The following PDXDC1 variants were observed in gnomAD, a reference collection of about 807,000 sequenced individuals.
PDXDC1 encodes the protein pyridoxal-dependent decarboxylase domain-containing protein 1.
PDXDC1 carries 42 observed loss-of-function variants against 100.1 expected under a neutral mutation model. That is an observed-to-expected ratio of 0.42 (90% CI 0.33 to 0.54). The LOEUF is 0.54. Among genes scored for constraint, PDXDC1 ranks in the 20% least tolerant of loss-of-function variants. The probability of loss-of-function intolerance (pLI) is 0.10; values close to 1 mark genes in which losing one functional copy is unlikely to be tolerated. For missense variants in PDXDC1, 636 were observed against 979.2 expected (o/e 0.65, Z 4.68); for synonymous variants, 260 against 371.7 (o/e 0.70, Z 3.46).
At chr16:15,126,948 G>A (rs900159555) in intron 16 of PDXDC1, 10 of 266,240 alleles carry the variant, frequency 3.8e-5, no homozygotes, top group Admixed American at 1.5e-4. Flanking sequence ...GTGAGCCACC[G>A]TGCCTGGTCC....
At chr16:15,027,000 T>C (rs1211234077) in intron 14 of PDXDC1, among the ~76,000 whole-genome samples, 4 of 151,416 alleles carry the variant, frequency 2.6e-5, no homozygotes, top group African/African-American at 4.8e-5. Context: ...TTCCCACATA[T>C]TTTGAGTCAA....
intron 16 of PDXDC1, chr16:15,048,163 G>T: frequency 3.3e-6 from 4 of 1,214,286 alleles, no homozygotes; most frequent in Non-Finnish European, 4.8e-6. Flanking sequence ...AACTAAAGAT[G>T]TGGAGAGAGC....
At chr16:15,101,520 T>C (rs1176941175) in intron 16 of PDXDC1, among the ~76,000 whole-genome samples, 2 of 151,654 alleles carry the variant, frequency 1.3e-5, no homozygotes, top group African/African-American at 4.8e-5. Flanking sequence ...ATTTGTTTAA[T>C]AGAGACGGGG....
chr16:15,044,694 C>G, intron 16 of PDXDC1: 1 of 489,662 alleles, frequency 2.0e-6, no homozygotes, highest in Non-Finnish European at 3.7e-6. Context: ...TGGAAGAGCA[C>G]AGGCACAGGA....
intron 16 of PDXDC1, among the ~76,000 whole-genome samples, chr16:15,090,952 T>C (rs972536007): frequency 1.1e-4 from 17 of 149,360 alleles, no homozygotes; most frequent in Admixed American, 3.4e-4. Flanking sequence ...GAGGTAGTAA[T>C]CTAATAGAAA....
intron 16 of PDXDC1, chr16:15,086,354 G>A (rs548761454): frequency 6.2e-7 from 1 of 1,613,314 alleles, no homozygotes; most frequent in South Asian, 1.1e-5. Context: ...TAAAATAAAT[G>A]GTGAACTTAC....
At chr16:15,094,618 C>T (rs1441757813) in intron 16 of PDXDC1, 3 of 292,872 alleles carry the variant, frequency 1.0e-5, no homozygotes, top group Middle Eastern at 1.0e-3. Context: ...TGTGACTGAC[C>T]CAGATCTTCA....
intron 3 of PDXDC1, among the ~76,000 whole-genome samples, chr16:14,999,666 G>C (rs1253491869): frequency 1.3e-5 from 2 of 152,350 alleles, no homozygotes; most frequent in African/African-American, 4.8e-5. Flanking sequence ...AATTTGATAA[G>C]ATTTATTGTT....
At chr16:15,010,907 G>GAA (rs2151440004) in intron 8 of PDXDC1, among the ~76,000 whole-genome samples, 1 of 152,404 alleles carries the variant, frequency 6.6e-6, no homozygotes, top group African/African-American at 2.4e-5. Flanking sequence ...TGTACATTGA[G>GAA]AACTAAGAAT....
chr16:14,991,266 TATG>T (rs1190007386), intron 1 of PDXDC1, among the ~76,000 whole-genome samples: 5 of 132,690 alleles, frequency 3.8e-5, no homozygotes, highest in Admixed American at 1.7e-4. Context: ...TGTATATAGA[TATG>T]TGTGTGTGTG....
chr16:14,994,321 A>G (rs1167597046), intron 1 of PDXDC1, among the ~76,000 whole-genome samples: 4 of 152,276 alleles, frequency 2.6e-5, no homozygotes, highest in Admixed American at 6.5e-5. Flanking sequence ...TTTGTATAAG[A>G]TGTAAGGAAG....
rs1266226187 is a variant in PDXDC1, at chr16:15,014,621, GT to G, written c.728-1504del. ...GTAGATTTAGGTATGAGGGGAAAAA[GT>G]TTTCAGCCCTTTTCCTGGCATAGAC... On this transcript the variant is annotated intron_variant, in intron 8 of 22. Transcript: ENST00000396410. 1.0e-4 allele frequency among the ~76,000 whole-genome samples: 16 copies of G among 152,394 alleles called. No homozygotes were observed. The East Asian group carries it at 3.1e-3, about 29-fold the overall frequency.
intron 13 of PDXDC1, among the ~76,000 whole-genome samples, chr16:15,023,517 C>T (rs929894262): frequency 9.2e-5 from 14 of 152,266 alleles, no homozygotes; most frequent in African/African-American, 2.2e-4. Context: ...AAAGTAGCCG[C>T]GCATGGTGGC....
chr16:14,999,663 T>C (rs963194218), intron 3 of PDXDC1, among the ~76,000 whole-genome samples: 1 of 152,392 alleles, frequency 6.6e-6, no homozygotes, highest in African/African-American at 2.4e-5. Context: ...TTTAATTTGA[T>C]AAGATTTATT....
intron 16 of PDXDC1, among the ~76,000 whole-genome samples, chr16:15,049,511 C>T (rs2044215359): frequency 6.6e-6 from 1 of 151,956 alleles, no homozygotes; most frequent in African/African-American, 2.4e-5. Flanking sequence ...TCACTGCAAT[C>T]TCCACCTCCC....
chr16:15,082,666 G>C (rs552403803), intron 16 of PDXDC1, among the ~76,000 whole-genome samples: 7 of 150,684 alleles, frequency 4.6e-5, no homozygotes, highest in African/African-American at 1.7e-4. Flanking sequence ...GACGGAGACT[G>C]TCCCCCCACC....
chr16:15,133,745 C>T (rs573587083), intron 16 of PDXDC1: 8 of 1,593,810 alleles, frequency 5.0e-6, no homozygotes, highest in African/African-American at 2.7e-5. Context: ...GGCTCCGTGA[C>T]GTCACAGTCG....
downstream of PDXDC1, chr16:15,038,659 T>G: frequency 1.3e-6 from 2 of 1,599,632 alleles, no homozygotes; most frequent in Non-Finnish European, 1.7e-6. Flanking sequence ...ACGAAGTTGT[T>G]CTGTCTCTGC....
chr16:15,144,072 C>T (rs553157417), downstream of PDXDC1, among the ~76,000 whole-genome samples: 71 of 152,284 alleles, frequency 4.7e-4, no homozygotes, highest in African/African-American at 1.7e-3. Context: ...AGGCCCCATG[C>T]CCCCTGCCAG....
Sources: gnomAD v4.1 joint callset for allele counts (sites outside exome capture counted in the v4.1 genomes callset) on GRCh38, gnomAD v4.1.1 for gene constraint, MANE v1.5 for transcripts, NCBI Gene and HGNC (gene_info 2026-07-23, HGNC 2026-07-21) for gene names.